The following ERH variants were observed in gnomAD, a reference collection of about 807,000 sequenced individuals.
The protein encoded by ERH is enhancer of rudimentary homolog.
In ERH, 1 loss-of-function variant was observed where a neutral mutation model predicts 16.8. The ratio of observed to expected loss-of-function variants is 0.06; its 90% CI spans 0.02 to 0.28. ERH has a LOEUF of 0.28. Ranked by LOEUF, ERH falls within the 10% of genes least tolerant of loss-of-function variation. ERH has a pLI of 1.00. For missense variants in ERH, 42 were observed against 127.5 expected, an observed-to-expected ratio of 0.33 and a Z score of 3.23; for synonymous variants, 43 against 43.6, an observed-to-expected ratio of 0.99 and a Z score of 0.05.
chr14:69,390,822 A>G (rs1174499988), intron 2 of ERH, among the ~76,000 whole-genome samples: 6 of 152,260 alleles, frequency 3.9e-5, no homozygotes, highest in Admixed American at 1.3e-4. Flanking sequence ...AAACTTAACC[A>G]TAATCACTCA....
chr14:69,397,893 G>A (rs889234981), intron 1 of ERH: 8 of 458,554 alleles, frequency 1.7e-5, no homozygotes, highest in African/African-American at 1.6e-4. Flanking sequence ...ACTCCAGCCT[G>A]GGCGATAGAG....
At chr14:69,397,412 G>C (rs923753887) in intron 1 of ERH, among the ~76,000 whole-genome samples, 5 of 151,106 alleles carry the variant, frequency 3.3e-5, no homozygotes, top group African/African-American at 1.2e-4. Context: ...CGAGGGCTGA[G>C]GGACGCGCCA....
Position 69,394,825 on chromosome 14 carries a change from C to T in ERH, c.91G>A (p.Gly31Ser). 6.2e-7 allele frequency: 1 copy of T among 1,609,130 alleles called. No homozygotes were observed. Among genetic ancestry groups the T allele is most frequent in the Non-Finnish European group, 8.5e-7 (1 of 1,176,236 alleles). Residue 31 changes from glycine (G) to serine (S), a missense_variant and splice_region_variant, in exon 2 of 4, where the codon GGT (glycine) becomes AGT (serine). Coordinates refer to ENST00000557016, the MANE Select transcript of ERH (RefSeq NM_004450.3). ...ACCCCTTGATTAGTGTTAAACTCAC[C>T]TTCCATGCATTCATTCACAGATTCG... ...DYESVNECME[G>S]VCKMYEEHLK... is the part of the protein sequence containing the mutation.
chr14:69,381,353 C>A (rs2045862525), intron 3 of ERH, among the ~76,000 whole-genome samples: 1 of 152,206 alleles, frequency 6.6e-6, no homozygotes, highest in Admixed American at 6.5e-5. Flanking sequence ...AAAACATGTA[C>A]TGGCAACAAA....
rs2045919160 is a variant in ERH, at chr14:69,390,700, C to T, written c.92-3617G>A. Among the ~76,000 whole-genome samples, 2 of 152,164 alleles carry T rather than the reference C, an allele frequency of 1.3e-5. 1 individual carries two copies. The highest frequency in any genetic ancestry group is 4.1e-4 in the South Asian group (2 of 4,832). On this transcript the variant is annotated intron_variant, in intron 2 of 3. Coordinates refer to ENST00000557016, the MANE Select transcript of ERH (RefSeq NM_004450.3). The stretch of plus-strand genomic sequence containing the variant: ...TTTATAAAAATAAAAAACTTTTGTG[C>T]TCCAAAAGACACTATTAAGAAAGTG...
Position 69,386,796 on chromosome 14 carries a change from T to C in ERH, c.212+167A>G, listed in dbSNP as rs1366737742. On this transcript the variant is annotated intron_variant, in intron 3 of 3. Transcript: ENST00000557016. ...ATTTTTTTCTGTGCCTTTGGCTTTA[T>C]GTTGCCAATCTCTTATTTCTGTAAG... 5.4e-6 allele frequency: 3 copies of C among 554,240 alleles called. No homozygotes were observed. The African/African-American group carries it at 5.7e-5, about 11-fold the overall frequency. The allele number at this position is 554,240 out of a possible 1,614,324, so 34.3% of individuals were successfully genotyped here. A position where few individuals can be genotyped will look rare whatever the true frequency, so the allele number is the denominator to read the frequency against.
chr14:69,389,099 C>A (rs1316815961), intron 2 of ERH, among the ~76,000 whole-genome samples: 3 of 152,120 alleles, frequency 2.0e-5, no homozygotes, highest in Non-Finnish European at 4.4e-5. Flanking sequence ...CGGCTCACTG[C>A]AACCTCTGCC....
intron 2 of ERH, among the ~76,000 whole-genome samples, chr14:69,388,058 A>G (rs2045903243): frequency 6.6e-6 from 1 of 151,952 alleles, no homozygotes; most frequent in Non-Finnish European, 1.5e-5. Flanking sequence ...CAAACAAACA[A>G]ACAAAAAATC....
At chr14:69,388,255 T>C (rs780632941) in intron 2 of ERH, among the ~76,000 whole-genome samples, 2 of 152,182 alleles carry the variant, frequency 1.3e-5, no homozygotes, top group Non-Finnish European at 2.9e-5. Context: ...AGTACTTAAA[T>C]ATAATAAAAA....
chr14:69,384,077 CTG>C (rs1265021483), intron 3 of ERH, among the ~76,000 whole-genome samples: 1 of 152,128 alleles, frequency 6.6e-6, no homozygotes, highest in African/African-American at 2.4e-5. Context: ...TCACTTGTAA[CTG>C]TTTTACTCTG....
At position 69,391,883 on chromosome 14, in the gene ERH, C is replaced by T. The variant is rs75872675; in HGVS notation, c.91+2942G>A. Among the ~76,000 whole-genome samples the T allele has an allele frequency of 3.2e-3, 491 of 151,998 alleles. 4 individuals are homozygous for T. Among genetic ancestry groups the T allele is most frequent in the African/African-American group, 0.011 (466 of 41,448 alleles). On this transcript the variant is annotated intron_variant, in intron 2 of 3. Coordinates refer to ENST00000557016, the MANE Select transcript of ERH (RefSeq NM_004450.3). The stretch of plus-strand genomic sequence containing the variant: ...GTATGATACAGTAAAGGTAGATACA[C>T]GTAATTATACATGTCAAAACCCACA...
At chr14:69,382,789 C>CAAAAAAAAAAAAA (rs1278831093) in intron 3 of ERH, among the ~76,000 whole-genome samples, 8 of 103,156 alleles carry the variant, frequency 7.8e-5, no homozygotes, top group African/African-American at 3.0e-4. Flanking sequence ...ACTCTATCTC[C>CAAAAAAAAAAAAA]AAAAGAAAAA....
At chr14:69,393,697 G>A (rs1213667326) in intron 2 of ERH, among the ~76,000 whole-genome samples, 3 of 152,278 alleles carry the variant, frequency 2.0e-5, no homozygotes, top group Non-Finnish European at 2.9e-5. Context: ...TCACTACTGC[G>A]TACAATGTAC....
chr14:69,382,209 A>G (rs2045867214), intron 3 of ERH, among the ~76,000 whole-genome samples: 1 of 152,222 alleles, frequency 6.6e-6, no homozygotes, highest in African/African-American at 2.4e-5. Flanking sequence ...CTGAACAGTA[A>G]GGTCACAATC....
At chr14:69,398,089 G>T in intron 1 of ERH, 142 bp downstream of exon 1, 1 of 1,088,092 alleles carries the variant, frequency 9.2e-7, no homozygotes. Flanking sequence ...GCGGCGGGAA[G>T]AAGGGTCAAT....
intron 2 of ERH, among the ~76,000 whole-genome samples, chr14:69,391,694 G>A (rs1882214990): frequency 6.9e-6 from 1 of 145,314 alleles, no homozygotes; most frequent in African/African-American, 2.5e-5. Flanking sequence ...ATATTGCTAG[G>A]TTAAAGCAGC....
At chr14:69,396,128 T>C (rs1179292331) in intron 1 of ERH, among the ~76,000 whole-genome samples, 1 of 152,270 alleles carries the variant, frequency 6.6e-6, no homozygotes, top group African/African-American at 2.4e-5. Context: ...AATGCAAGTA[T>C]GATGCAACTC....
At chr14:69,389,587 A>G (rs985091289) in intron 2 of ERH, among the ~76,000 whole-genome samples, 3 of 152,250 alleles carry the variant, frequency 2.0e-5, no homozygotes, top group Non-Finnish European at 4.4e-5. Flanking sequence ...GAGTACAGCA[A>G]GGTTGCAGGA....
chr14:69,397,639 C>T (rs1882384745), intron 1 of ERH, among the ~76,000 whole-genome samples: 1 of 152,196 alleles, frequency 6.6e-6, no homozygotes, highest in Admixed American at 6.5e-5. Context: ...CCATATCCGG[C>T]AGGGCCCGGT....
Sources: allele counts gnomAD v4.1 joint callset (sites outside exome capture counted in the v4.1 genomes callset), GRCh38; gene constraint gnomAD v4.1.1; transcripts MANE v1.5; gene names NCBI Gene and HGNC (gene_info 2026-07-23, HGNC 2026-07-21).